MPHOSPH6: variants seen among roughly 807,000 people sequenced by gnomAD.
MPHOSPH6 encodes the protein M-phase phosphoprotein 6.
In MPHOSPH6, 25 loss-of-function variants were observed where a neutral mutation model predicts 21.8. That is an observed-to-expected ratio of 1.15 (90% CI 0.83 to 1.60). The LOEUF (loss-of-function observed/expected upper bound fraction) is 1.60. MPHOSPH6 is among the 40% of genes most tolerant of loss of function. The pLI, the probability that MPHOSPH6 is intolerant of heterozygous loss-of-function variation, is 0.00. For synonymous variants in MPHOSPH6, 84 were observed against 56.5 expected (o/e 1.49, Z -2.18); for missense variants, 269 against 181.8 (o/e 1.48, Z -2.76).
At chr16:82,157,142 T>C (rs1906453226) in intron 2 of MPHOSPH6, among the ~76,000 whole-genome samples, 1 of 152,164 alleles carries the variant, frequency 6.6e-6, no homozygotes, top group South Asian at 2.1e-4. Flanking sequence ...AGGAAAATGC[T>C]AATTAAAAAC....
rs1233687836 is a variant in MPHOSPH6, at chr16:82,148,702, C to A, written c.*29G>T. ...ATGCCCTGCTGACTTCCACCAAGCA[C>A]CCCTGGGCCATCGCTTAAGGCATCC... On this transcript the variant is annotated 3_prime_UTR_variant, in exon 5 of 5. Transcript: ENST00000258169. 1.2e-6 allele frequency: 2 copies of A among 1,612,162 alleles called. No individual in the cohort carries two copies. Among genetic ancestry groups the A allele is most frequent in the Non-Finnish European group, 1.7e-6 (2 of 1,179,212 alleles).
intron 2 of MPHOSPH6, among the ~76,000 whole-genome samples, chr16:82,157,212 T>C (rs1397568105): frequency 6.6e-6 from 1 of 152,192 alleles, no homozygotes; most frequent in Non-Finnish European, 1.5e-5. Flanking sequence ...TGTTGAACTC[T>C]CATACTTCCT....
intron 2 of MPHOSPH6, among the ~76,000 whole-genome samples, chr16:82,154,359 C>G (rs1453239382): frequency 1.3e-5 from 2 of 152,126 alleles, no homozygotes; most frequent in Non-Finnish European, 2.9e-5. Flanking sequence ...AAATTCAACA[C>G]TCTATTAAGA....
chr16:82,149,511 C>G (rs1428987339), intron 3 of MPHOSPH6, 108 bp from the exon 4 acceptor site: 3 of 919,216 alleles, frequency 3.3e-6, no homozygotes, highest in African/African-American at 1.6e-5. Flanking sequence ...ATCTAGAGAA[C>G]TAGTCAAAAT....
At chr16:82,170,069 G>A (rs1011759452) in intron 1 of MPHOSPH6, 56 bp downstream of exon 1, 8 of 1,547,708 alleles carry the variant, frequency 5.2e-6, no homozygotes, top group Non-Finnish European at 7.0e-6. Flanking sequence ...CCCCGGCCAG[G>A]TTGGAAGGAC....
At chr16:82,152,370 T>C (rs1243577988) in intron 2 of MPHOSPH6, among the ~76,000 whole-genome samples, 1 of 152,124 alleles carries the variant, frequency 6.6e-6, no homozygotes, top group African/African-American at 2.4e-5. Flanking sequence ...TTAACAGTGT[T>C]ATCAGTCAGA....
intron 2 of MPHOSPH6, among the ~76,000 whole-genome samples, chr16:82,161,068 T>C (rs140095189): frequency 3.4e-4 from 52 of 152,340 alleles, no homozygotes; most frequent in African/African-American, 1.1e-3. Context: ...ATCATATTTC[T>C]TCACAACTTT....
intron 2 of MPHOSPH6, among the ~76,000 whole-genome samples, chr16:82,157,667 C>T (rs1322668284): frequency 2.0e-5 from 3 of 150,472 alleles, no homozygotes; most frequent in Non-Finnish European, 4.4e-5. Context: ...AGGGGAGATA[C>T]TGAGGGCAGA....
chr16:82,165,114 C>CTTTTT (rs1418457856), intron 1 of MPHOSPH6, among the ~76,000 whole-genome samples: 2,351 of 63,728 alleles, frequency 0.037, 651 homozygotes, highest in East Asian at 0.1. Context: ...TCCGATATTT[C>CTTTTT]TTTTTTATTT....
chr16:82,150,563 T>G (rs1906232219), intron 3 of MPHOSPH6, among the ~76,000 whole-genome samples: 1 of 152,218 alleles, frequency 6.6e-6, no homozygotes, highest in South Asian at 2.1e-4. Flanking sequence ...GGTTCTTAAC[T>G]GGGGATGATT....
At chr16:82,148,887 C>T (rs542947022) in intron 4 of MPHOSPH6, 24 bp from the exon 5 acceptor site, 113 of 1,611,078 alleles carry the variant, frequency 7.0e-5, no homozygotes, top group South Asian at 1.1e-4. Flanking sequence ...AGGCAGCACA[C>T]GTTTAATTTC....
intron 2 of MPHOSPH6, among the ~76,000 whole-genome samples, chr16:82,152,194 C>G (rs1906286390): frequency 6.6e-6 from 1 of 152,136 alleles, no homozygotes; most frequent in Non-Finnish European, 1.5e-5. Flanking sequence ...GTGTGGTGCA[C>G]TTATACACAG....
At position 82,164,197 on chromosome 16, in the gene MPHOSPH6, G is replaced by C; in HGVS notation, c.52-3C>G. ...GAGTCCAGTCCCCTTTGCATAAACT[G>C]TGAAAACAAACAAAATCAATGTCAG... On this transcript the variant is annotated splice_region_variant and splice_polypyrimidine_tract_variant and intron_variant, in intron 1 of 4. Coordinates refer to ENST00000258169, the MANE Select transcript of MPHOSPH6 (RefSeq NM_005792.2). 4 of 1,582,506 alleles carry C rather than the reference G, an allele frequency of 2.5e-6. No homozygotes were observed. Among genetic ancestry groups the C allele is most frequent in the Non-Finnish European group, 3.4e-6 (4 of 1,163,396 alleles).
chr16:82,166,212 A>G (rs924682079), intron 1 of MPHOSPH6, among the ~76,000 whole-genome samples: 1 of 152,222 alleles, frequency 6.6e-6, no homozygotes, highest in Non-Finnish European at 1.5e-5. Flanking sequence ...CTGTGAATCT[A>G]TCACTATTTT....
At chr16:82,158,498 C>CAAAAAA (rs3037959) in intron 2 of MPHOSPH6, among the ~76,000 whole-genome samples, 1 of 81,512 alleles carries the variant, frequency 1.2e-5, no homozygotes, top group African/African-American at 4.6e-5. Context: ...GACTCCGTCT[C>CAAAAAA]AAAAAAAAAA....
chr16:82,163,345 A>C (rs1449640908), intron 2 of MPHOSPH6, among the ~76,000 whole-genome samples: 1 of 152,222 alleles, frequency 6.6e-6, no homozygotes, highest in Non-Finnish European at 1.5e-5. Context: ...TTCCAGAAGG[A>C]TTCAGCTAAA....
At chr16:82,162,025 G>C (rs981478833) in intron 2 of MPHOSPH6, among the ~76,000 whole-genome samples, 6 of 152,210 alleles carry the variant, frequency 3.9e-5, no homozygotes, top group African/African-American at 1.4e-4. Flanking sequence ...GAGTAGAAAG[G>C]AATGGGTGTA....
At chr16:82,157,634 C>G (rs188777085) in intron 2 of MPHOSPH6, among the ~76,000 whole-genome samples, 133 of 152,312 alleles carry the variant, frequency 8.7e-4, no homozygotes, top group African/African-American at 3.2e-3. Context: ...ACCACCCACA[C>G]ACCCACACGT....
intron 2 of MPHOSPH6, among the ~76,000 whole-genome samples, chr16:82,156,888 T>G (rs1906445138): frequency 6.6e-6 from 1 of 151,890 alleles, no homozygotes; most frequent in Admixed American, 6.6e-5. Flanking sequence ...CAACATGGTC[T>G]CTATTAAAAA....
Sources: allele counts gnomAD v4.1 joint callset (sites outside exome capture counted in the v4.1 genomes callset), GRCh38; gene constraint gnomAD v4.1.1; transcripts MANE v1.5; gene names NCBI Gene and HGNC (gene_info 2026-07-23, HGNC 2026-07-21).